Variants in MIPEP observed in about 807,000 individuals in gnomAD.
MIPEP encodes mitochondrial intermediate peptidase.
A neutral mutation model predicts 90.3 loss-of-function variants in MIPEP; 79 were observed. The ratio of observed to expected loss-of-function variants is 0.87; its 90% CI spans 0.73 to 1.05. The LOEUF is 1.05. Ranked by LOEUF, MIPEP falls within the 50% of genes least tolerant of loss-of-function variation. The pLI is 0.00. For missense variants in MIPEP, 940 were observed against 905.6 expected, an observed-to-expected ratio of 1.04 and a Z score of -0.49; for synonymous variants, 334 against 315.8, an observed-to-expected ratio of 1.06 and a Z score of -0.61.
intron 16 of MIPEP, among the ~76,000 whole-genome samples, chr13:23,769,311 C>T (rs915279893): frequency 1.4e-4 from 21 of 152,130 alleles, no homozygotes; most frequent in African/African-American, 4.8e-4. Flanking sequence ...AGGCACACGA[C>T]AAGAAGGGTT....
At chr13:23,807,281 T>C (rs1953121688) in intron 15 of MIPEP, among the ~76,000 whole-genome samples, 1 of 152,246 alleles carries the variant, frequency 6.6e-6, no homozygotes, top group South Asian at 2.1e-4. Flanking sequence ...ATATTGTTTT[T>C]CAACACTGAC....
chr13:23,831,316 G>A (rs1356323289), intron 14 of MIPEP, among the ~76,000 whole-genome samples: 2 of 143,400 alleles, frequency 1.4e-5, no homozygotes, highest in African/African-American at 5.1e-5. Flanking sequence ...GACAGTGAGA[G>A]AAAGAAGAGG....
chr13:23,748,564 C>T (rs1952407836), intron 18 of MIPEP, among the ~76,000 whole-genome samples: 1 of 152,234 alleles, frequency 6.6e-6, no homozygotes, highest in Admixed American at 6.5e-5. Flanking sequence ...CATCAAAATT[C>T]ATCAGAATGA....
chr13:23,730,388 A>AG lies in MIPEP; in HGVS notation c.2101_2102insC (p.Leu701SerfsTer13). 4 of 1,612,862 alleles carry AG rather than the reference A, an allele frequency of 2.5e-6. No homozygotes were observed. The highest frequency in any genetic ancestry group is 3.4e-6 in the Non-Finnish European group (4 of 1,179,142). On this transcript the variant is annotated frameshift_variant, in exon 19 of 19. Transcript: ENST00000382172. LOFTEE classifies it high-confidence loss of function. ...GAGGAAAGTTTCGAAGTCCAGATCC[A>AG]AGTCGGAAACGAGGGCACTTACGAA...
At chr13:23,882,215 G>A (rs1455520966) in intron 2 of MIPEP, among the ~76,000 whole-genome samples, 1 of 151,946 alleles carries the variant, frequency 6.6e-6, no homozygotes, top group African/African-American at 2.4e-5. Context: ...GACTACAGGT[G>A]CCCACCACCA....
intron 16 of MIPEP, among the ~76,000 whole-genome samples, chr13:23,784,103 C>G (rs1423136548): frequency 6.6e-6 from 1 of 152,084 alleles, no homozygotes; most frequent in Non-Finnish European, 1.5e-5. Flanking sequence ...CATCAAGCTA[C>G]CAATGACTTT....
intron 9 of MIPEP, 90 bp from the exon 10 acceptor site, chr13:23,859,002 G>A (rs1379745301): frequency 9.8e-7 from 1 of 1,020,192 alleles, no homozygotes; most frequent in Admixed American, 2.0e-5. Context: ...ATGTAAACCA[G>A]CTACTGTTCA....
At chr13:23,859,176 T>C (rs1870178871) in intron 9 of MIPEP, among the ~76,000 whole-genome samples, 1 of 152,148 alleles carries the variant, frequency 6.6e-6, no homozygotes, top group Non-Finnish European at 1.5e-5. Flanking sequence ...TCTGAAGTGG[T>C]ATCTAACAAA....
At chr13:23,825,939 T>G (rs925725077) in intron 14 of MIPEP, among the ~76,000 whole-genome samples, 1 of 152,122 alleles carries the variant, frequency 6.6e-6, no homozygotes, top group Non-Finnish European at 1.5e-5. Flanking sequence ...GAAAGACAAC[T>G]AGAGCAGTAA....
At chr13:23,855,036 T>C (rs144626773) in intron 10 of MIPEP, among the ~76,000 whole-genome samples, 150 of 152,282 alleles carry the variant, frequency 9.9e-4, no homozygotes, top group African/African-American at 3.5e-3. Flanking sequence ...AAGGATACAT[T>C]AAACAACTTA....
chr13:23,770,597 C>T (rs141099892), intron 16 of MIPEP, among the ~76,000 whole-genome samples: 3 of 151,994 alleles, frequency 2.0e-5, no homozygotes, highest in Non-Finnish European at 4.4e-5. Flanking sequence ...CCCCTGCCTG[C>T]CAGCTTGGCC....
At chr13:23,792,647 G>A (rs1042498955) in intron 16 of MIPEP, among the ~76,000 whole-genome samples, 5 of 152,218 alleles carry the variant, frequency 3.3e-5, no homozygotes, top group African/African-American at 1.2e-4. Flanking sequence ...TGTGAGCCAC[G>A]ATGTCTGGCC....
intron 17 of MIPEP, among the ~76,000 whole-genome samples, chr13:23,757,663 A>C (rs944517941): frequency 2.0e-5 from 3 of 152,092 alleles, no homozygotes; most frequent in African/African-American, 7.2e-5. Flanking sequence ...ACTCCACTGG[A>C]GTGTGCGGGT....
chr13:23,756,202 T>G (rs1474785353), intron 18 of MIPEP, among the ~76,000 whole-genome samples: 1 of 152,252 alleles, frequency 6.6e-6, no homozygotes, highest in Non-Finnish European at 1.5e-5. Context: ...TTGCCCAGGC[T>G]GGAGTGCAAT....
At chr13:23,784,793 A>T (rs1167336134) in intron 16 of MIPEP, among the ~76,000 whole-genome samples, 3 of 152,244 alleles carry the variant, frequency 2.0e-5, no homozygotes, top group African/African-American at 7.2e-5. Flanking sequence ...AATTTACAAG[A>T]ATAAAACAAA....
chr13:23,775,007 C>A (rs1952697609), intron 16 of MIPEP, among the ~76,000 whole-genome samples: 1 of 151,794 alleles, frequency 6.6e-6, no homozygotes, highest in Non-Finnish European at 1.5e-5. Context: ...CCATGTTGAC[C>A]AGGCTGGTCT....
intron 18 of MIPEP, among the ~76,000 whole-genome samples, chr13:23,735,843 C>T (rs919095939): frequency 6.6e-6 from 1 of 151,880 alleles, no homozygotes; most frequent in Non-Finnish European, 1.5e-5. Flanking sequence ...TAGCCCTGCT[C>T]TAATTAGATT....
chr13:23,836,196 C>T, intron 14 of MIPEP, 44 bp downstream of exon 14: 1 of 1,293,382 alleles, frequency 7.7e-7, no homozygotes, highest in Non-Finnish European at 1.1e-6. Flanking sequence ...TAAACGCCAA[C>T]TATCACAACC....
At chr13:23,820,328 A>G (rs1953291249) in intron 14 of MIPEP, among the ~76,000 whole-genome samples, 1 of 152,214 alleles carries the variant, frequency 6.6e-6, no homozygotes, top group African/African-American at 2.4e-5. Flanking sequence ...TGGGGATTCC[A>G]GTTATTAGCA....
Sources: gnomAD v4.1 joint callset for allele counts (sites outside exome capture counted in the v4.1 genomes callset) on GRCh38, gnomAD v4.1.1 for gene constraint, MANE v1.5 for transcripts, NCBI Gene and HGNC (gene_info 2026-07-23, HGNC 2026-07-21) for gene names.